Variants in BTG3 observed in about 807,000 individuals in gnomAD.
The protein encoded by BTG3 is protein BTG3.
In BTG3, 4 loss-of-function variants were observed where a neutral mutation model predicts 25.8. The observed-to-expected ratio is 0.16, with a 90% confidence interval of 0.08 to 0.36. The LOEUF (loss-of-function observed/expected upper bound fraction) is 0.36. Among genes scored for constraint, BTG3 ranks in the 10% least tolerant of loss-of-function variants. The pLI is 1.00. For synonymous variants in BTG3, 107 were observed against 99.9 expected, an observed-to-expected ratio of 1.07 and a Z score of -0.42; for missense variants, 201 against 304.9, an observed-to-expected ratio of 0.66 and a Z score of 2.54.
At chr21:17,595,124 A>C (rs1273248141) in intron 4 of BTG3, among the ~76,000 whole-genome samples, 1 of 152,078 alleles carries the variant, frequency 6.6e-6, no homozygotes, top group Admixed American at 6.6e-5. Context: ...ATTCTGATGT[A>C]GCCAGTTTAG....
chr21:17,596,672 A>G (rs1218066382), intron 4 of BTG3, among the ~76,000 whole-genome samples: 1 of 152,100 alleles, frequency 6.6e-6, no homozygotes, highest in Non-Finnish European at 1.5e-5. Context: ...AACCATTACC[A>G]CACTGTCTTG....
intron 4 of BTG3, among the ~76,000 whole-genome samples, chr21:17,598,219 TTA>T (rs1459704041): frequency 6.6e-6 from 1 of 152,066 alleles, no homozygotes; most frequent in Non-Finnish European, 1.5e-5. Flanking sequence ...TATAATAAAT[TTA>T]GAGAGGTTTC....
At chr21:17,598,526 CAG>C (rs1330872808) in intron 4 of BTG3, 89 bp downstream of exon 4, 2 of 1,097,004 alleles carry the variant, frequency 1.8e-6, no homozygotes, top group African/African-American at 1.6e-5. Context: ...AATCTCAAGT[CAG>C]AAACCTTGGG....
intron 2 of BTG3, chr21:17,605,198 T>G: frequency 1.9e-6 from 1 of 529,184 alleles, no homozygotes; most frequent in Admixed American, 3.6e-5. Context: ...AGATGGCACC[T>G]ATGTGAGCCC....
In BTG3 at chr21:17,594,087, AC is replaced by A; in HGVS notation, c.*5del. ...CAACATGACACCAACACAATCAAAA[AC>A]GAAGTTAGTGAGGTGCTAACATGTG... is the stretch of plus-strand genomic sequence containing the variant. On this transcript the variant is annotated 3_prime_UTR_variant, in exon 5 of 5. Coordinates refer to ENST00000348354, the MANE Select transcript of BTG3 (RefSeq NM_006806.5). The A allele has an allele frequency of 1.9e-6, 3 of 1,611,666 alleles. No homozygotes were observed. The highest frequency in any genetic ancestry group is 2.5e-6 in the Non-Finnish European group (3 of 1,178,584).
In BTG3 at chr21:17,608,965, C is replaced by A; in HGVS notation, c.173+7G>T. 1 of 1,610,788 alleles carries A rather than the reference C, an allele frequency of 6.2e-7. No individual in the cohort carries two copies. Among genetic ancestry groups the A allele is most frequent in the Non-Finnish European group, 8.5e-7 (1 of 1,179,028 alleles). On this transcript the variant is annotated splice_region_variant and intron_variant, in intron 2 of 4. Coordinates refer to ENST00000348354, the MANE Select transcript of BTG3 (RefSeq NM_006806.5). The stretch of plus-strand genomic sequence containing the variant: ...CAGCCTCTGCTTAATCCAATCTAAT[C>A]CTTTACCTGTAGGCCTGTCCTTTCG...
intron 2 of BTG3, among the ~76,000 whole-genome samples, chr21:17,606,576 C>T (rs547560191): frequency 1.3e-5 from 2 of 152,132 alleles, no homozygotes; most frequent in East Asian, 3.9e-4. Flanking sequence ...TTCTTATCTA[C>T]AATTAAGGTG....
At chr21:17,611,261 C>G (rs1230919347) in intron 1 of BTG3, among the ~76,000 whole-genome samples, 1 of 152,166 alleles carries the variant, frequency 6.6e-6, no homozygotes, top group African/African-American at 2.4e-5. Context: ...AGCCTCCACT[C>G]CAGCAAAGCA....
intron 2 of BTG3, among the ~76,000 whole-genome samples, chr21:17,606,760 C>G (rs1345277148): frequency 6.6e-6 from 1 of 151,994 alleles, no homozygotes; most frequent in Non-Finnish European, 1.5e-5. Flanking sequence ...TAAAAATATT[C>G]TATCATTTAC....
chr21:17,606,240 A>T (rs2061639969), intron 2 of BTG3, among the ~76,000 whole-genome samples: 1 of 152,152 alleles, frequency 6.6e-6, no homozygotes, highest in Non-Finnish European at 1.5e-5. Context: ...GGAGGCAGAG[A>T]GAGTTTGAGT....
intron 2 of BTG3, among the ~76,000 whole-genome samples, chr21:17,608,414 T>C (rs999442963): frequency 5.9e-5 from 9 of 152,026 alleles, no homozygotes; most frequent in African/African-American, 2.4e-5. Flanking sequence ...CCAGAGCCAT[T>C]ATTTACTAGT....
chr21:17,596,915 A>G (rs2061511716), intron 4 of BTG3, among the ~76,000 whole-genome samples: 1 of 152,134 alleles, frequency 6.6e-6, no homozygotes, highest in Non-Finnish European at 1.5e-5. Flanking sequence ...AAAACAGTAG[A>G]GAACAAAAAT....
chr21:17,610,076 A>G (rs73195003), intron 1 of BTG3, among the ~76,000 whole-genome samples: 8,098 of 152,324 alleles, frequency 0.053, 304 homozygotes, highest in Non-Finnish European at 0.083. Flanking sequence ...CCAGTCACAA[A>G]TGACCACATA....
chr21:17,607,588 A>G (rs549496199), intron 2 of BTG3, among the ~76,000 whole-genome samples: 1 of 152,316 alleles, frequency 6.6e-6, no homozygotes, highest in South Asian at 2.1e-4. Context: ...ATGAGAAATT[A>G]GCAAATAATA....
intron 4 of BTG3, among the ~76,000 whole-genome samples, chr21:17,597,990 A>G (rs1207633512): frequency 2.0e-5 from 3 of 152,124 alleles, no homozygotes; most frequent in African/African-American, 7.2e-5. Flanking sequence ...AACTCAAAAA[A>G]TCTCTTTAAA....
rs144054865 is a variant in BTG3, at chr21:17,596,159, C to T, written c.520-1827G>A. Among the ~76,000 whole-genome samples the T allele has an allele frequency of 2.5e-3, 385 of 151,670 alleles. 3 individuals carry two copies. Among genetic ancestry groups the T allele is most frequent in the Middle Eastern group, 0.01 (3 of 294 alleles). On this transcript the variant is annotated intron_variant, in intron 4 of 4. Transcript: ENST00000348354. Reference sequence around the variant, plus strand: ...TTACCTTTTACTAGTGATTTGTGAGCGATTTTAAAAAAAGTATATTCTGGA... The same window carrying T: ...TTACCTTTTACTAGTGATTTGTGAGTGATTTTAAAAAAAGTATATTCTGGA...
At chr21:17,604,781 G>A in intron 3 of BTG3, 79 bp downstream of exon 3, 1 of 1,476,796 alleles carries the variant, frequency 6.8e-7, no homozygotes, top group South Asian at 1.5e-5. Context: ...AAGATACACA[G>A]GCAGGCCGTA....
At chr21:17,608,115 C>T (rs1244970831) in intron 2 of BTG3, among the ~76,000 whole-genome samples, 1 of 152,154 alleles carries the variant, frequency 6.6e-6, no homozygotes, top group Non-Finnish European at 1.5e-5. Context: ...GCCTGTAATC[C>T]TCACATTCTG....
At chr21:17,596,786 T>C (rs968811483) in intron 4 of BTG3, among the ~76,000 whole-genome samples, 12 of 152,112 alleles carry the variant, frequency 7.9e-5, no homozygotes, top group African/African-American at 2.9e-4. Context: ...CCTTTTAAGA[T>C]GTTCATTGAT....
Sources: allele counts gnomAD v4.1 joint callset (sites outside exome capture counted in the v4.1 genomes callset), GRCh38; gene constraint gnomAD v4.1.1; transcripts MANE v1.5; gene names NCBI Gene and HGNC (gene_info 2026-07-23, HGNC 2026-07-21).